ERMP1: variants seen among roughly 807,000 people sequenced by gnomAD.
ERMP1 encodes the protein endoplasmic reticulum metallopeptidase 1, also known as Felix-ina.
Under a neutral mutation model 92.0 loss-of-function variants are expected in ERMP1, and 86 were observed. The observed-to-expected ratio is 0.93, with a 90% CI of 0.79 to 1.12. The LOEUF is 1.12. Ranked by LOEUF, ERMP1 falls within the 50% of genes most tolerant of loss-of-function variation. The pLI is 0.00. For synonymous variants in ERMP1, 530 were observed against 412.8 expected, an observed-to-expected ratio of 1.28 and a Z score of -3.44; for missense variants, 1,342 against 1,116.3, an observed-to-expected ratio of 1.20 and a Z score of -2.88.
intron 6 of ERMP1, among the ~76,000 whole-genome samples, chr9:5,851,459 T>A (rs7026587): frequency 0.029 from 4,476 of 152,254 alleles, 236 homozygotes; most frequent in African/African-American, 0.1. Flanking sequence ...GAAAAGAGCA[T>A]GCAAGAAAGA....
At chr9:5,812,038 C>T in intron 6 of ERMP1, 87 bp downstream of exon 6, 1 of 829,516 alleles carries the variant, frequency 1.2e-6, no homozygotes, top group Middle Eastern at 2.3e-4. Flanking sequence ...CTCTCTAATG[C>T]ACAGGCCACA....
intron 1 of ERMP1, chr9:5,832,322 A>C: frequency 4.9e-6 from 1 of 205,552 alleles, no homozygotes; most frequent in Non-Finnish European, 9.7e-6. Context: ...CAGTCTAGGT[A>C]CACAAATTTC....
intron 6 of ERMP1, among the ~76,000 whole-genome samples, chr9:5,841,851 A>G (rs1338439516): frequency 2.0e-5 from 3 of 151,852 alleles, no homozygotes; most frequent in Non-Finnish European, 4.4e-5. Flanking sequence ...GTTCTTAAAG[A>G]TGGTGTGTCT....
intron 13 of ERMP1, among the ~76,000 whole-genome samples, chr9:5,794,725 G>C (rs1291074198): frequency 6.6e-6 from 1 of 152,158 alleles, no homozygotes; most frequent in African/African-American, 2.4e-5. Flanking sequence ...GAACAGGCCT[G>C]TATCTATTAA....
At chr9:5,840,269 G>C (rs1255283792) in intron 6 of ERMP1, among the ~76,000 whole-genome samples, 2 of 152,054 alleles carry the variant, frequency 1.3e-5, no homozygotes, top group Admixed American at 1.3e-4. Flanking sequence ...AGAGAGAAGA[G>C]AGAACGGAAG....
intron 10 of ERMP1, among the ~76,000 whole-genome samples, chr9:5,803,265 T>C (rs1049002379): frequency 1.3e-5 from 2 of 152,190 alleles, no homozygotes; most frequent in African/African-American, 4.8e-5. Context: ...GAGTGATAAC[T>C]CATGGCATCA....
Position 5,832,742 on chromosome 9 carries a change from C to A in ERMP1, c.286G>T (p.Val96Leu), listed in dbSNP as rs554983063. 6.7e-7 allele frequency: 1 copy of A among 1,496,826 alleles called. No homozygotes were observed. The highest frequency in any genetic ancestry group is 1.3e-5 in the South Asian group (1 of 79,830). 92.7% of individuals were successfully genotyped at this position (1,496,826 alleles called of 1,614,324 possible). A position where few individuals can be genotyped will look rare whatever the true frequency, so the allele number is the denominator to read the frequency against. The change falls in exon 1 of 15, where the codon GTG (valine) becomes TTG (leucine). Residue 96 changes from valine to leucine, a missense_variant. Transcript: ENST00000339450. ...CGGTGTCCAGCGGCCCCGCGTAGCA[C>A]GAGCTGCTGCAGCGAGAGCTGCACC... Reference protein sequence around the residue: ...TLVQLSLQQLVLRGAAGHRGE... With the variant: ...TLVQLSLQQLLLRGAAGHRGE...
At position 5,785,013 on chromosome 9, in the gene ERMP1, T is replaced by A. The variant is rs987820689; in HGVS notation, c.*2131A>T. ...CTAATGTGACAGACAAACGGTATGCTTAACAGAGTCATAAATACTGTGTAT... is the reference window on the plus strand; with the variant it reads ...CTAATGTGACAGACAAACGGTATGCATAACAGAGTCATAAATACTGTGTAT... On this transcript the variant is annotated 3_prime_UTR_variant, in exon 15 of 15. Transcript: ENST00000339450. The A allele has an allele frequency of 3.3e-5, 5 of 152,206 alleles. No individual in the cohort carries two copies. Among genetic ancestry groups the A allele is most frequent in the Admixed American group, 6.5e-5 (1 of 15,268 alleles). The allele number at this position is 152,206 out of a possible 1,614,324, so 9.4% of individuals were successfully genotyped here. A position where few individuals can be genotyped will look rare whatever the true frequency, so the allele number is the denominator to read the frequency against.
At chr9:5,862,615 G>C (rs1179531884) in intron 5 of ERMP1, among the ~76,000 whole-genome samples, 1 of 152,172 alleles carries the variant, frequency 6.6e-6, no homozygotes, top group Non-Finnish European at 1.5e-5. Flanking sequence ...TTAACATGCT[G>C]GGATTACAGG....
rs1829689256 is a variant in ERMP1 at position 5,825,234 on chromosome 9, A to G, written c.641-15T>C. Reference sequence around the variant, plus strand: ...ATCACTGGCACCTTCAAATCAGAAAAACAAATTTGCTGCTCAGATTTTAAA... The same window carrying G: ...ATCACTGGCACCTTCAAATCAGAAAGACAAATTTGCTGCTCAGATTTTAAA... On this transcript the variant is annotated splice_polypyrimidine_tract_variant and intron_variant, in intron 2 of 14. Coordinates refer to ENST00000339450, the MANE Select transcript of ERMP1 (RefSeq NM_024896.3). 1.2e-6 allele frequency: 2 copies of G among 1,603,726 alleles called. No individual in the cohort carries two copies. The highest frequency in any genetic ancestry group is 1.7e-6 in the Non-Finnish European group (2 of 1,177,048).
At chr9:5,843,104 G>C (rs1381919974) in intron 6 of ERMP1, among the ~76,000 whole-genome samples, 2 of 152,204 alleles carry the variant, frequency 1.3e-5, no homozygotes, top group African/African-American at 2.4e-5. Context: ...GAACAGAAAA[G>C]AGCATTTACC....
At chr9:5,859,016 T>C (rs2129775753) in intron 6 of ERMP1, among the ~76,000 whole-genome samples, 1 of 152,244 alleles carries the variant, frequency 6.6e-6, no homozygotes, top group Non-Finnish European at 1.5e-5. Context: ...CCTTGAGAGG[T>C]GACTATTGTT....
At chr9:5,847,009 G>C (rs531372404) in intron 6 of ERMP1, among the ~76,000 whole-genome samples, 1 of 152,136 alleles carries the variant, frequency 6.6e-6, no homozygotes, top group Non-Finnish European at 1.5e-5. Context: ...ACCAGATTCA[G>C]CATATTCTCT....
intron 5 of ERMP1, among the ~76,000 whole-genome samples, chr9:5,861,009 A>T (rs1830469038): frequency 6.6e-6 from 1 of 152,182 alleles, no homozygotes; most frequent in Non-Finnish European, 1.5e-5. Flanking sequence ...AGCCTCCAGT[A>T]CTATGAGCCC....
chr9:5,838,574 T>C (rs754923688), intron 6 of ERMP1, among the ~76,000 whole-genome samples: 2 of 151,806 alleles, frequency 1.3e-5, no homozygotes, highest in Non-Finnish European at 2.9e-5. Flanking sequence ...GTTTTTGATG[T>C]AGTAATTTCA....
chr9:5,848,379 C>T (rs1830264903), intron 6 of ERMP1, among the ~76,000 whole-genome samples: 1 of 152,166 alleles, frequency 6.6e-6, no homozygotes, highest in Admixed American at 6.5e-5. Flanking sequence ...GGATCTGCGC[C>T]TAGAACCCTC....
At chr9:5,841,619 GA>G (rs1830164456) in intron 6 of ERMP1, among the ~76,000 whole-genome samples, 1 of 152,150 alleles carries the variant, frequency 6.6e-6, no homozygotes, top group Non-Finnish European at 1.5e-5. Flanking sequence ...CCAACATAGT[GA>G]AACCTGTCTC....
chr9:5,817,954 A>G (rs920522401), intron 4 of ERMP1, among the ~76,000 whole-genome samples: 1 of 152,228 alleles, frequency 6.6e-6, no homozygotes, highest in Admixed American at 6.5e-5. Context: ...GAATTTGCCA[A>G]TGTGACCTTT....
chr9:5,795,048 A>G (rs1828358413), intron 13 of ERMP1, among the ~76,000 whole-genome samples: 1 of 152,232 alleles, frequency 6.6e-6, no homozygotes, highest in Non-Finnish European at 1.5e-5. Flanking sequence ...TTTATACACC[A>G]TAACCAAGTA....
Sources: gnomAD v4.1 joint callset for allele counts (sites outside exome capture counted in the v4.1 genomes callset) on GRCh38, gnomAD v4.1.1 for gene constraint, MANE v1.5 for transcripts, NCBI Gene and HGNC (gene_info 2026-07-23, HGNC 2026-07-21) for gene names.